The following STK10 variants were observed in gnomAD, a reference collection of about 807,000 sequenced individuals.
STK10 encodes serine/threonine-protein kinase 10.
In STK10, 78 loss-of-function variants were observed where a neutral mutation model predicts 113.8. The observed-to-expected ratio is 0.69, with a 90% CI of 0.57 to 0.83. The LOEUF (loss-of-function observed/expected upper bound fraction) is 0.83, where lower values mean the gene tolerates loss of function less well. Among genes scored for constraint, STK10 ranks in the 40% least tolerant of loss-of-function variants. The pLI, the probability that STK10 is intolerant of heterozygous loss-of-function variation, is 0.00. For missense variants in STK10, 1,109 were observed against 1,280.1 expected, an observed-to-expected ratio of 0.87 and a Z score of 2.04; for synonymous variants, 465 against 494.7, an observed-to-expected ratio of 0.94 and a Z score of 0.80.
rs749572257 is a variant in STK10 at position 172,082,310 on chromosome 5, C to T, written c.1989+16G>A. 1.3e-6 allele frequency: 2 copies of T among 1,513,178 alleles called. No individual in the cohort carries two copies. The highest frequency in any genetic ancestry group is 1.8e-6 in the Non-Finnish European group (2 of 1,130,712). 93.7% of individuals were successfully genotyped at this position (1,513,178 alleles called of 1,614,324 possible). ...ATACTCCGAGATGCCCCTGCCCCCA[C>T]TGAGCACATACTCACCTCTTTCTTC... On this transcript the variant is annotated intron_variant, in intron 12 of 18. Transcript: ENST00000176763. This position sits in a 1 kb window ranked among gnomAD's most constrained non-coding sequence, Gnocchi z 4.3.
intron 10 of STK10, among the ~76,000 whole-genome samples, chr5:172,089,583 A>G (rs62381964): frequency 0.2 from 30,840 of 151,832 alleles, 4,287 homozygotes; most frequent in African/African-American, 0.4. Flanking sequence ...ATAAATGGAT[A>G]GAAGGATAAA....
rs766848114 is a variant in STK10, at chr5:172,083,054, G to T, written c.1716C>A (p.Leu572=). 6.2e-7 allele frequency: 1 copy of T among 1,614,106 alleles called. No individual in the cohort carries two copies. The highest frequency in any genetic ancestry group is 1.1e-5 in the South Asian group (1 of 91,062). Residue 572 remains leucine (L), a synonymous_variant, in exon 11 of 19, where the codon CTC becomes CTA. Transcript: ENST00000176763. ...RRQELRELRL[L]QKEEHRNQTQ... is the part of the protein sequence containing the mutation. ...TCTGGTTCCGATGCTCTTCTTTCTG[G>T]AGCAGCCGAAGCTCTCGGAGTTCCT...
chr5:172,120,564 G>C lies in STK10; in HGVS notation c.371-2934C>G, dbSNP rs1397864193. Among the ~76,000 whole-genome samples, 1 of 152,094 alleles carries C rather than the reference G, an allele frequency of 6.6e-6. No homozygotes were observed. The highest frequency in any genetic ancestry group is 1.5e-5 in the Non-Finnish European group (1 of 67,972). Reference sequence around the variant, plus strand: ...ACACAGACCGAGGCCGTACCCAGGTGCTGCCTCTCACTAGCTGTGTGGTTA... The same window carrying C: ...ACACAGACCGAGGCCGTACCCAGGTCCTGCCTCTCACTAGCTGTGTGGTTA... On this transcript the variant is annotated intron_variant, in intron 3 of 18. Coordinates refer to ENST00000176763, the MANE Select transcript of STK10 (RefSeq NM_005990.4). The surrounding 1 kb of genome is among the most constrained non-coding windows in gnomAD (Gnocchi z 4.0).
chr5:172,047,487 T>C (rs1209452890), intron 18 of STK10, among the ~76,000 whole-genome samples: 1 of 152,202 alleles, frequency 6.6e-6, no homozygotes, highest in Non-Finnish European at 1.5e-5. Context: ...TTGACTTGAC[T>C]GTCAAGTATG....
intron 4 of STK10, among the ~76,000 whole-genome samples, chr5:172,113,414 T>C (rs1365811221): frequency 3.3e-5 from 5 of 152,158 alleles, no homozygotes; most frequent in Admixed American, 2.6e-4. Flanking sequence ...ATAAACCTCA[T>C]GAGAAACCCA....
At position 172,106,693 on chromosome 5, in the gene STK10, C is replaced by T. The variant is rs766530240; in HGVS notation, c.715G>A (p.Glu239Lys). 4.3e-6 allele frequency: 7 copies of T among 1,614,032 alleles called. No homozygotes were observed. Among genetic ancestry groups the T allele is most frequent in the Non-Finnish European group, 5.9e-6 (7 of 1,180,026 alleles). Residue 239 changes from glutamate to lysine, a missense_variant, in exon 6 of 19, where the codon GAG becomes AAG. Glu to Lys is a moderately conservative substitution (Grantham distance 56). Coordinates refer to ENST00000176763, the MANE Select transcript of STK10 (RefSeq NM_005990.4). ...AGCAGGACCCGCATGGGGTTGAGCT[C>T]GTGGTGTGGCGGCTCGATCTGGGCC... is the stretch of plus-strand genomic sequence containing the variant. ...EMAQIEPPHH[E>K]LNPMRVLLKI...
intron 2 of STK10, among the ~76,000 whole-genome samples, chr5:172,131,352 A>G (rs1769753666): frequency 1.3e-5 from 2 of 152,160 alleles, no homozygotes; most frequent in African/African-American, 4.8e-5. Flanking sequence ...GCTATTCTTA[A>G]GAGTCAGTAT....
At chr5:172,094,449 A>C (rs1170278365) in intron 8 of STK10, among the ~76,000 whole-genome samples, 1 of 151,790 alleles carries the variant, frequency 6.6e-6, no homozygotes, top group Non-Finnish European at 1.5e-5. Flanking sequence ...TGCAACCTCC[A>C]CCTCCTGGGT....
intron 15 of STK10, 146 bp downstream of exon 15, chr5:172,057,203 G>T: frequency 8.5e-7 from 1 of 1,182,970 alleles, no homozygotes; most frequent in Non-Finnish European, 1.2e-6. Context: ...ACCTCCTGGG[G>T]CCTCACTGCA....
rs116472560 is a variant in STK10 at position 172,127,362 on chromosome 5, G to T, written c.370+11C>A. 6.2e-7 allele frequency: 1 copy of T among 1,613,804 alleles called. No individual in the cohort carries two copies. The highest frequency in any genetic ancestry group is 1.1e-5 in the South Asian group (1 of 91,064). On this transcript the variant is annotated intron_variant, in intron 3 of 18. Coordinates refer to ENST00000176763, the MANE Select transcript of STK10 (RefSeq NM_005990.4). ...TGGTCCCGACAATGCACCGAATCAA[G>T]TAAGACTCACCCAGCATGATGGCGT... is the stretch of plus-strand genomic sequence containing the variant.
In STK10 at chr5:172,107,765, A is replaced by C; in HGVS notation, c.593+15T>G. 6.2e-6 allele frequency: 10 copies of C among 1,613,444 alleles called. No homozygotes were observed. Among genetic ancestry groups the C allele is most frequent in the Non-Finnish European group, 8.5e-6 (10 of 1,179,570 alleles). On this transcript the variant is annotated intron_variant, in intron 5 of 18. Coordinates refer to ENST00000176763, the MANE Select transcript of STK10 (RefSeq NM_005990.4). ...ACATCCAGTCCATTCCATTTCCAGAAGCTACACGACTCACCAGTAAGGCGT... is the reference window on the plus strand; with the variant it reads ...ACATCCAGTCCATTCCATTTCCAGACGCTACACGACTCACCAGTAAGGCGT...
At chr5:172,073,997 T>C (rs149870926) in intron 12 of STK10, among the ~76,000 whole-genome samples, 6 of 150,882 alleles carry the variant, frequency 4.0e-5, no homozygotes, top group African/African-American at 1.5e-4. Flanking sequence ...AATTCGAATA[T>C]AAATATAAAA....
At chr5:172,126,425 A>G (rs6875704) in intron 3 of STK10, among the ~76,000 whole-genome samples, 151,638 of 152,272 alleles carry the variant, frequency 1, 75,504 homozygotes, top group Middle Eastern at 1. Flanking sequence ...TTAGCCGGGC[A>G]TGGTCGTGGG....
At chr5:172,137,140 T>C (rs1430077767) in intron 2 of STK10, among the ~76,000 whole-genome samples, 5 of 152,158 alleles carry the variant, frequency 3.3e-5, no homozygotes, top group African/African-American at 1.2e-4. Context: ...GGGTCTGTTA[T>C]ATCCTGGGTC....
intron 4 of STK10, 27 bp from the exon 5 acceptor site, chr5:172,107,879 T>C: frequency 1.2e-6 from 2 of 1,611,746 alleles, no homozygotes; most frequent in Non-Finnish European, 1.7e-6. Context: ...CAGCTAGCGT[T>C]TTCCACCCAT....
chr5:172,082,890 T>C lies in STK10; in HGVS notation c.1809+71A>G, dbSNP rs1032339023. The C allele has an allele frequency of 3.2e-6, 5 of 1,585,204 alleles. No homozygotes were observed. In the East Asian group the frequency reaches 9.0e-5, roughly 28 times the overall value. On this transcript the variant is annotated intron_variant, in intron 11 of 18. Coordinates refer to ENST00000176763, the MANE Select transcript of STK10 (RefSeq NM_005990.4). The surrounding 1 kb of genome is among the most constrained non-coding windows in gnomAD (Gnocchi z 4.3). Reference sequence around the variant, plus strand: ...CTCTCCACTACCCAATCATTCCCACTATGTAGCTTCCACTGAGAGAACACC... The same window carrying C: ...CTCTCCACTACCCAATCATTCCCACCATGTAGCTTCCACTGAGAGAACACC...
chr5:172,175,282 T>C (rs966254389), intron 1 of STK10, among the ~76,000 whole-genome samples: 1 of 151,614 alleles, frequency 6.6e-6, no homozygotes, highest in African/African-American at 2.4e-5. Flanking sequence ...AGTCTGTTAG[T>C]ATGAAAAAAT....
chr5:172,063,571 C>T (rs957758119), intron 13 of STK10: 1 of 152,288 alleles, frequency 6.6e-6, no homozygotes, highest in Admixed American at 6.5e-5. Context: ...CAACTGCCTC[C>T]TCCAGGCCAA....
intron 10 of STK10, among the ~76,000 whole-genome samples, chr5:172,085,861 A>C (rs1426938802): frequency 6.6e-6 from 1 of 152,070 alleles, no homozygotes; most frequent in Middle Eastern, 3.2e-3. Flanking sequence ...GTGCGGCACC[A>C]TGCTGATTCC....
Sources: gnomAD v4.1 joint callset for allele counts (sites outside exome capture counted in the v4.1 genomes callset) on GRCh38, gnomAD v4.1.1 for gene constraint, Gnocchi (gnomAD v3.1) non-coding constraint, MANE v1.5 for transcripts, NCBI Gene and HGNC (gene_info 2026-07-23, HGNC 2026-07-21) for gene names.